The following TENM3 variants were observed in gnomAD, a reference collection of about 807,000 sequenced individuals.
TENM3 encodes the protein teneurin transmembrane protein 3, also known as teneurin-3.
Under a neutral mutation model 255.1 loss-of-function variants are expected in TENM3, and 63 were observed. The ratio of observed to expected loss-of-function variants is 0.25; its 90% CI spans 0.20 to 0.30. The LOEUF (loss-of-function observed/expected upper bound fraction) is 0.30, where lower values mean the gene tolerates loss of function less well. TENM3 is among the 10% of genes least tolerant of loss of function. TENM3 has a pLI of 1.00. For synonymous variants in TENM3, 1,306 were observed against 1,322.3 expected, an observed-to-expected ratio of 0.99 and a Z score of 0.27; for missense variants, 2,929 against 3,461.1, an observed-to-expected ratio of 0.85 and a Z score of 3.86.
the TENM3 span, among the ~76,000 whole-genome samples, chr4:181,527,271 C>A: frequency 6.6e-6 from 1 of 152,122 alleles, no homozygotes; most frequent in African/African-American, 2.4e-5. Flanking sequence ...TAAATGGATT[C>A]CCAGTAAAGC....
intron 3 of TENM3, among the ~76,000 whole-genome samples, chr4:182,545,120 A>G (rs984430877): frequency 8.5e-5 from 13 of 152,218 alleles, no homozygotes; most frequent in Admixed American, 2.6e-4. Flanking sequence ...TTTTTAGTCA[A>G]GGTGATTTCT....
At chr4:182,759,837 G>C (rs1005403783) in intron 22 of TENM3, among the ~76,000 whole-genome samples, 8 of 152,146 alleles carry the variant, frequency 5.3e-5, no homozygotes, top group Non-Finnish European at 1.2e-4. Flanking sequence ...GAAAACTAGA[G>C]ATATCATCTG....
chr4:181,920,767 G>C, the TENM3 span, among the ~76,000 whole-genome samples: 1 of 151,822 alleles, frequency 6.6e-6, no homozygotes, highest in Non-Finnish European at 1.5e-5. Flanking sequence ...TTTGTCTTTT[G>C]TTGCCATTGC....
chr4:182,720,468 T>C (rs1373700477), intron 13 of TENM3, among the ~76,000 whole-genome samples: 1 of 152,098 alleles, frequency 6.6e-6, no homozygotes, highest in Non-Finnish European at 1.5e-5. Flanking sequence ...CCCTGTATTA[T>C]TCAGGTAGAT....
At chr4:181,807,539 G>T in the TENM3 span, among the ~76,000 whole-genome samples, 1 of 152,112 alleles carries the variant, frequency 6.6e-6, no homozygotes, top group African/African-American at 2.4e-5. Flanking sequence ...TTTTAGTAGA[G>T]ACAGGGTTTC....
At chr4:181,780,508 T>G in the TENM3 span, among the ~76,000 whole-genome samples, 1 of 152,318 alleles carries the variant, frequency 6.6e-6, no homozygotes, top group African/African-American at 2.4e-5. Flanking sequence ...GTAAATTTGT[T>G]TGAGTTATTT....
the TENM3 span, among the ~76,000 whole-genome samples, chr4:181,873,592 CTGTCATTAGAGA>C: frequency 5.3e-5 from 8 of 152,122 alleles, no homozygotes; most frequent in African/African-American, 1.7e-4. Flanking sequence ...TTGAATTCCA[CTGTCATTAGAGA>C]TGTACTTTGT....
intron 3 of TENM3, among the ~76,000 whole-genome samples, chr4:182,444,463 G>A (rs1772747815): frequency 6.6e-6 from 1 of 152,070 alleles, no homozygotes. Flanking sequence ...TAATTTTTAA[G>A]AGTCAGTCTA....
chr4:181,523,638 C>G, the TENM3 span, among the ~76,000 whole-genome samples: 68 of 152,226 alleles, frequency 4.5e-4, 1 homozygote, highest in Non-Finnish European at 8.7e-4. Flanking sequence ...TTTACCTGTT[C>G]CCAAATGTCC....
chr4:182,237,039 A>C (rs553019405), intron 1 of TENM3, among the ~76,000 whole-genome samples: 74 of 152,200 alleles, frequency 4.9e-4, no homozygotes, highest in African/African-American at 1.6e-3. Context: ...TCCTGACCTG[A>C]AAATCCTTGT....
At chr4:181,722,514 C>T in the TENM3 span, among the ~76,000 whole-genome samples, 2 of 152,154 alleles carry the variant, frequency 1.3e-5, no homozygotes, top group African/African-American at 4.8e-5. Context: ...AAAAGGAAGT[C>T]TGTAGCTAGA....
intron 3 of TENM3, among the ~76,000 whole-genome samples, chr4:182,558,303 A>G (rs1002722445): frequency 2.0e-5 from 3 of 152,222 alleles, no homozygotes; most frequent in Admixed American, 6.5e-5. Context: ...CTCTAGCTGT[A>G]ATTGCTACTG....
At chr4:181,809,286 G>A in the TENM3 span, among the ~76,000 whole-genome samples, 1 of 152,198 alleles carries the variant, frequency 6.6e-6, no homozygotes, top group Non-Finnish European at 1.5e-5. Context: ...CCACTGCACA[G>A]CAGAGTGGAG....
In TENM3 at chr4:182,557,274, ACTGGGACC is replaced by A. The variant is rs532552865; in HGVS notation, c.512-43647_512-43640del. The stretch of plus-strand genomic sequence containing the variant: ...ATATTAATGGTTAGTGCATTTGTTA[ACTGGGACC>A]CTATTTATTGTTCCTGTCCAACTCA... On this transcript the variant is annotated intron_variant, in intron 3 of 27. Transcript: ENST00000511685. Among the ~76,000 whole-genome samples the A allele has an allele frequency of 2.2e-4, 33 of 152,324 alleles. No homozygotes were observed. The South Asian group carries it at 5.0e-3, about 23-fold the overall frequency.
At chr4:181,755,794 T>C in the TENM3 span, among the ~76,000 whole-genome samples, 6 of 152,120 alleles carry the variant, frequency 3.9e-5, no homozygotes, top group Non-Finnish European at 7.3e-5. Context: ...TTTGTAAGAG[T>C]AAATATCAAT....
intron 3 of TENM3, among the ~76,000 whole-genome samples, chr4:182,492,253 T>TGC (rs1735370664): frequency 6.6e-6 from 1 of 152,154 alleles, no homozygotes; most frequent in South Asian, 2.1e-4. Context: ...TTCAGTAATA[T>TGC]AAGCTAACAT....
At chr4:182,355,733 A>G (rs1320568428) in intron 3 of TENM3, among the ~76,000 whole-genome samples, 1 of 152,120 alleles carries the variant, frequency 6.6e-6, no homozygotes, top group Non-Finnish European at 1.5e-5. Flanking sequence ...GGGAAGAGAA[A>G]CATTTAAAGA....
chr4:181,663,561 A>T, the TENM3 span, among the ~76,000 whole-genome samples: 3 of 152,186 alleles, frequency 2.0e-5, no homozygotes, highest in Non-Finnish European at 4.4e-5. Flanking sequence ...TCTAAATGAG[A>T]GTATTAGGAA....
intron 12 of TENM3, among the ~76,000 whole-genome samples, chr4:182,701,339 G>C (rs1338460101): frequency 6.8e-6 from 1 of 146,256 alleles, no homozygotes; most frequent in Non-Finnish European, 1.5e-5. Flanking sequence ...TCCTGCCTCA[G>C]CCTCCCGAGT....
Sources: gnomAD v4.1 joint callset for allele counts (sites outside exome capture counted in the v4.1 genomes callset) on GRCh38, gnomAD v4.1.1 for gene constraint, MANE v1.5 for transcripts, NCBI Gene and HGNC (gene_info 2026-07-23, HGNC 2026-07-21) for gene names.